SYNE1: variants seen among roughly 807,000 people sequenced by gnomAD.
SYNE1 encodes the protein nesprin-1.
A neutral mutation model predicts 1,111.0 loss-of-function variants in SYNE1; 616 were observed. That is an observed-to-expected ratio of 0.55 (90% CI 0.52 to 0.59). The LOEUF is 0.59. Ranked by LOEUF, SYNE1 falls within the 20% of genes least tolerant of loss-of-function variation. The probability of loss-of-function intolerance (pLI) is 0.00; values close to 1 mark genes in which losing one functional copy is unlikely to be tolerated. For synonymous variants in SYNE1, 3,855 were observed against 3,825.8 expected, an observed-to-expected ratio of 1.01 and a Z score of -0.28; for missense variants, 10,006 against 10,417.0, an observed-to-expected ratio of 0.96 and a Z score of 1.72.
chr6:152,143,374 A>C (rs563495804), intron 138 of SYNE1, among the ~76,000 whole-genome samples: 4 of 152,210 alleles, frequency 2.6e-5, no homozygotes, highest in African/African-American at 9.6e-5. Context: ...AATGAAAAGG[A>C]TCTCCCTAAG....
intron 6 of SYNE1, chr6:152,511,446 AG>A: frequency 2.4e-6 from 2 of 844,936 alleles, no homozygotes; most frequent in South Asian, 3.2e-5. Flanking sequence ...GGAGCTTAAA[AG>A]AAACTGCAAT....
rs1330684968 is a variant in SYNE1, at chr6:152,636,664, CCAG to C, written c.-253_-251del. On this transcript the variant is annotated 5_prime_UTR_variant, in exon 2 of 146. Coordinates refer to ENST00000367255, the MANE Select transcript of SYNE1 (RefSeq NM_182961.4). ...TTCTCTCTCGGCCTCGTTCAGTTTC[CCAG>C]CAGCAAGGCGAAGCGAGCGAACGCT... The C allele has an allele frequency of 6.6e-6, 1 of 152,580 alleles. No homozygotes were observed. Among genetic ancestry groups the C allele is most frequent in the Non-Finnish European group, 1.5e-5 (1 of 68,128 alleles). The allele number at this position is 152,580 out of a possible 1,614,324, so 9.5% of individuals were successfully genotyped here. A position where few individuals can be genotyped will look rare whatever the true frequency, so the allele number is the denominator to read the frequency against.
intron 62 of SYNE1, chr6:152,366,921 T>C (rs2097091944): frequency 1.9e-6 from 1 of 539,412 alleles, no homozygotes; most frequent in South Asian, 1.7e-5. Context: ...TTCCTCAAAA[T>C]ATTTTCCCAT....
chr6:152,290,555 C>CA lies in SYNE1; in HGVS notation c.18012+3032dup, dbSNP rs549806223. 1.1e-3 allele frequency among the ~76,000 whole-genome samples: 167 copies of CA among 151,250 alleles called. 1 individual carries two copies. The highest frequency in any genetic ancestry group is 3.6e-3 in the African/African-American group (150 of 41,260). ...TGGGCAACAGACTGAGACTCTGTCT[C>CA]AAAAAAAAGAAATCTATAAGACAAT... On this transcript the variant is annotated intron_variant, in intron 95 of 145. Transcript: ENST00000367255.
At chr6:152,149,351 C>T (rs2060034312) in intron 136 of SYNE1, 126 bp downstream of exon 136, 6 of 1,126,452 alleles carry the variant, frequency 5.3e-6, no homozygotes, top group Non-Finnish European at 7.9e-6. Context: ...TAGGACAAAG[C>T]TAGGACTTGA....
intron 98 of SYNE1, 139 bp downstream of exon 98, chr6:152,277,950 T>G: frequency 1.1e-6 from 1 of 921,260 alleles, no homozygotes; most frequent in South Asian, 1.3e-5. Flanking sequence ...TAAAGCTGCA[T>G]GCTAAAATGT....
intron 126 of SYNE1, among the ~76,000 whole-genome samples, chr6:152,204,397 G>T (rs1366504448): frequency 6.7e-6 from 1 of 149,396 alleles, no homozygotes; most frequent in Non-Finnish European, 1.5e-5. Flanking sequence ...AAACAAGAAA[G>T]AAAGATAAAA....
intron 104 of SYNE1, among the ~76,000 whole-genome samples, chr6:152,253,799 A>G (rs1377938404): frequency 1.2e-5 from 1 of 82,438 alleles, no homozygotes; most frequent in Non-Finnish European, 2.7e-5. Flanking sequence ...CTAATGCTAC[A>G]TTTATGTGTA....
At chr6:152,169,839 T>C (rs2064733872) in intron 130 of SYNE1, among the ~76,000 whole-genome samples, 1 of 151,712 alleles carries the variant, frequency 6.6e-6, no homozygotes, top group Non-Finnish European at 1.5e-5. Context: ...GCATTTTATA[T>C]AAGAAATAAA....
intron 78 of SYNE1, among the ~76,000 whole-genome samples, chr6:152,329,508 C>T (rs573926704): frequency 6.6e-6 from 1 of 152,352 alleles, no homozygotes; most frequent in South Asian, 2.1e-4. Flanking sequence ...GCCTGGGCAA[C>T]AGAGCGAGAC....
At chr6:152,339,759 T>A (rs957647592) in intron 74 of SYNE1, among the ~76,000 whole-genome samples, 1 of 152,178 alleles carries the variant, frequency 6.6e-6, no homozygotes, top group Non-Finnish European at 1.5e-5. Context: ...CAAAGGTCCG[T>A]GAGTTGGTAG....
At chr6:152,304,551 T>G (rs1200490216) in intron 91 of SYNE1, among the ~76,000 whole-genome samples, 1 of 152,176 alleles carries the variant, frequency 6.6e-6, no homozygotes, top group African/African-American at 2.4e-5. Context: ...CTCGAACTCC[T>G]GATCTCAAGT....
chr6:152,178,324 G>C (rs2066996545), intron 129 of SYNE1, among the ~76,000 whole-genome samples: 1 of 152,154 alleles, frequency 6.6e-6, no homozygotes, highest in Non-Finnish European at 1.5e-5. Context: ...TATAGTGCAT[G>C]AATCACGCAC....
intron 87 of SYNE1, among the ~76,000 whole-genome samples, chr6:152,313,783 C>T (rs1026799954): frequency 2.6e-5 from 4 of 152,176 alleles, no homozygotes; most frequent in African/African-American, 9.7e-5. Flanking sequence ...GGCTGCTTTA[C>T]TTCCTAAAGG....
chr6:152,358,246 G>T, intron 66 of SYNE1, 127 bp downstream of exon 66: 1 of 1,268,636 alleles, frequency 7.9e-7, no homozygotes, highest in Non-Finnish European at 1.1e-6. Context: ...AAACCTTATG[G>T]GGATTGCACT....
chr6:152,236,954 A>T lies in SYNE1; in HGVS notation c.20068-6T>A. On this transcript the variant is annotated splice_polypyrimidine_tract_variant and splice_region_variant and intron_variant, in intron 108 of 145. Transcript: ENST00000367255. ...TCATCCAGATGGGACCACGTCTAGA[A>T]ACACAACATGAGTCTGTGAGCTAAA... is the stretch of plus-strand genomic sequence containing the variant. 6.2e-7 allele frequency: 1 copy of T among 1,613,352 alleles called. No individual in the cohort carries two copies. The highest frequency in any genetic ancestry group is 2.2e-5 in the East Asian group (1 of 44,842).
rs1292785667 is a variant in SYNE1, at chr6:152,318,111, T to C, written c.16542A>G (p.Gln5514=). ...LTELHQQTIR[Q]AENRLSKLNQ... Reference sequence around the variant, plus strand: ...TGAGCTTGGAGAGCCGATTCTCAGCTTGTCTAATGGTCTGCTGGTGAAGTT... The same window carrying C: ...TGAGCTTGGAGAGCCGATTCTCAGCCTGTCTAATGGTCTGCTGGTGAAGTT... The change falls in exon 86 of 146, where the codon CAA becomes CAG. Residue 5514 remains glutamine (Q), a synonymous_variant. Transcript: ENST00000367255. 6.2e-7 allele frequency: 1 copy of C among 1,614,238 alleles called. No homozygotes were observed. The highest frequency in any genetic ancestry group is 1.1e-5 in the South Asian group (1 of 91,084).
intron 24 of SYNE1, 100 bp downstream of exon 24, chr6:152,455,326 G>T: frequency 7.5e-7 from 1 of 1,327,004 alleles, no homozygotes; most frequent in Non-Finnish European, 1.0e-6. Context: ...TCATCTGCCC[G>T]CTCTCCTTCT....
chr6:152,198,879 G>T (rs952242900), intron 127 of SYNE1, among the ~76,000 whole-genome samples: 1 of 151,504 alleles, frequency 6.6e-6, no homozygotes, highest in African/African-American at 2.4e-5. Context: ...TTGGAATATT[G>T]TGAGAATTAC....
Sources: gnomAD v4.1 joint callset for allele counts (sites outside exome capture counted in the v4.1 genomes callset) on GRCh38, gnomAD v4.1.1 for gene constraint, MANE v1.5 for transcripts, NCBI Gene and HGNC (gene_info 2026-07-23, HGNC 2026-07-21) for gene names.